NIBAN1: variants seen among roughly 807,000 people sequenced by gnomAD.
NIBAN1 encodes protein Niban 1.
In NIBAN1, 81 loss-of-function variants were observed where a neutral mutation model predicts 75.1. The ratio of observed to expected loss-of-function variants is 1.08; its 90% CI spans 0.90 to 1.30. The LOEUF (loss-of-function observed/expected upper bound fraction) is 1.30, where lower values mean the gene tolerates loss of function less well. Among genes scored for constraint, NIBAN1 ranks in the 50% most tolerant of loss-of-function variants. NIBAN1 has a pLI of 0.00. For synonymous variants in NIBAN1, 436 were observed against 424.8 expected (o/e 1.03, Z -0.32); for missense variants, 1,133 against 1,128.1 (o/e 1.00, Z -0.06).
intron 2 of NIBAN1, among the ~76,000 whole-genome samples, 179 bp downstream of exon 2, chr1:184,899,000 C>G (rs1263205949): frequency 6.6e-6 from 1 of 152,196 alleles, no homozygotes; most frequent in African/African-American, 2.4e-5. Context: ...TGGATTATAT[C>G]AGCAACAAGA....
At chr1:184,913,657 C>G (rs1366017352) in intron 1 of NIBAN1, among the ~76,000 whole-genome samples, 2 of 151,994 alleles carry the variant, frequency 1.3e-5, no homozygotes, top group Admixed American at 6.6e-5. Context: ...TAGGTGAAAA[C>G]CAAACCAACA....
chr1:184,929,837 G>A (rs902628870), intron 1 of NIBAN1, among the ~76,000 whole-genome samples: 1 of 152,220 alleles, frequency 6.6e-6, no homozygotes, highest in Non-Finnish European at 1.5e-5. Flanking sequence ...AGGAGGATTT[G>A]TCAAAACTTC....
At chr1:184,958,584 A>T (rs1394344778) in intron 1 of NIBAN1, among the ~76,000 whole-genome samples, 3 of 152,190 alleles carry the variant, frequency 2.0e-5, no homozygotes, top group Non-Finnish European at 4.4e-5. Flanking sequence ...GAATTTCTGG[A>T]AGAGCATTTG....
intron 6 of NIBAN1, among the ~76,000 whole-genome samples, chr1:184,829,244 C>T (rs1009882818): frequency 6.6e-6 from 1 of 152,086 alleles, no homozygotes; most frequent in African/African-American, 2.4e-5. Flanking sequence ...TGCACAAATG[C>T]TTTACAATCT....
intron 1 of NIBAN1, among the ~76,000 whole-genome samples, chr1:184,938,376 A>G (rs1210999856): frequency 6.6e-6 from 1 of 152,176 alleles, no homozygotes; most frequent in Non-Finnish European, 1.5e-5. Context: ...GATGGCTCCA[A>G]GATTCTCGAG....
chr1:184,971,941 C>T (rs1369214802), intron 1 of NIBAN1, among the ~76,000 whole-genome samples: 5 of 152,122 alleles, frequency 3.3e-5, no homozygotes, highest in Admixed American at 2.6e-4. Flanking sequence ...TTAACTAAAT[C>T]CTAAGAAACA....
intron 8 of NIBAN1, among the ~76,000 whole-genome samples, chr1:184,819,459 G>GA (rs1654632111): frequency 1.3e-5 from 2 of 152,098 alleles, no homozygotes; most frequent in Non-Finnish European, 2.9e-5. Flanking sequence ...GAAGAAGAAT[G>GA]AAAAAATGCC....
chr1:184,923,338 A>G (rs1439291715), intron 1 of NIBAN1, among the ~76,000 whole-genome samples: 2 of 152,156 alleles, frequency 1.3e-5, no homozygotes, highest in African/African-American at 4.8e-5. Flanking sequence ...TCTCCAAAGT[A>G]TGCTCTTGTT....
At chr1:184,955,464 G>C (rs577922489) in intron 1 of NIBAN1, among the ~76,000 whole-genome samples, 1 of 151,336 alleles carries the variant, frequency 6.6e-6, no homozygotes, top group African/African-American at 2.4e-5. Flanking sequence ...TCAGCCTCCC[G>C]AGTAGCTGGG....
At chr1:184,853,022 T>C (rs887582121) in intron 5 of NIBAN1, among the ~76,000 whole-genome samples, 1 of 152,164 alleles carries the variant, frequency 6.6e-6, no homozygotes, top group African/African-American at 2.4e-5. Flanking sequence ...CCTAATAAAA[T>C]AGTGAAAATA....
intron 10 of NIBAN1, among the ~76,000 whole-genome samples, chr1:184,807,177 A>G (rs1488117411): frequency 2.6e-5 from 4 of 152,152 alleles, no homozygotes; most frequent in Non-Finnish European, 5.9e-5. Context: ...GGCCCACAGT[A>G]ATCTCTCCTC....
chr1:184,882,715 C>A (rs987858484), intron 5 of NIBAN1, among the ~76,000 whole-genome samples: 5 of 152,128 alleles, frequency 3.3e-5, no homozygotes, highest in Non-Finnish European at 5.9e-5. Context: ...AGGGGGAATG[C>A]AGTAAGTCCC....
chr1:184,929,708 G>T (rs1374000482), intron 1 of NIBAN1, among the ~76,000 whole-genome samples: 4 of 151,782 alleles, frequency 2.6e-5, no homozygotes, highest in East Asian at 3.9e-4. Flanking sequence ...TTAAATTTTG[G>T]TTTTTTTCTT....
At chr1:184,953,340 C>T (rs1469724720) in intron 1 of NIBAN1, among the ~76,000 whole-genome samples, 2 of 152,224 alleles carry the variant, frequency 1.3e-5, no homozygotes, top group Non-Finnish European at 2.9e-5. Flanking sequence ...GAAAGCTACA[C>T]AGTTAACATT....
chr1:184,794,692 A>C lies in NIBAN1; in HGVS notation c.*285T>G. On this transcript the variant is annotated 3_prime_UTR_variant, in exon 14 of 14. Coordinates refer to ENST00000367511, the MANE Select transcript of NIBAN1 (RefSeq NM_052966.4). ...TACTGTTTTCTCAGTCTTCCCTGCA[A>C]TACTATTCCCTCCTCAGACATCCTC... The C allele has an allele frequency of 2.0e-6, 1 of 502,420 alleles. No homozygotes were observed. The highest frequency in any genetic ancestry group is 3.6e-6 in the Non-Finnish European group (1 of 277,700). The allele number at this position is 502,420 out of a possible 1,614,324, so 31.1% of individuals were successfully genotyped here. A position where few individuals can be genotyped will look rare whatever the true frequency, so the allele number is the denominator to read the frequency against.
rs181383414 is a variant in NIBAN1, at chr1:184,971,704, C to A, written c.55+2598G>T. ...GATCATTTTAGGTCAGTGCTAAAAG[C>A]ATCACTTAAGACTAACATATGACAC... On this transcript the variant is annotated intron_variant, in intron 1 of 13. Coordinates refer to ENST00000367511, the MANE Select transcript of NIBAN1 (RefSeq NM_052966.4). 1.6e-3 allele frequency among the ~76,000 whole-genome samples: 237 copies of A among 152,176 alleles called. 2 individuals are homozygous for A. Among genetic ancestry groups the A allele is most frequent in the Middle Eastern group, 6.8e-3 (2 of 294 alleles).
At chr1:184,843,730 G>A (rs1206883408) in intron 5 of NIBAN1, among the ~76,000 whole-genome samples, 1 of 152,190 alleles carries the variant, frequency 6.6e-6, no homozygotes, top group Non-Finnish European at 1.5e-5. Context: ...AATTATTTAT[G>A]GAGATGCTGC....
At chr1:184,940,928 G>C (rs189214583) in intron 1 of NIBAN1, among the ~76,000 whole-genome samples, 2 of 152,294 alleles carry the variant, frequency 1.3e-5, no homozygotes, top group East Asian at 1.9e-4. Context: ...TCTCCTAGCG[G>C]GTTAAGCGGG....
intron 1 of NIBAN1, among the ~76,000 whole-genome samples, chr1:184,938,042 A>C: frequency 6.6e-6 from 1 of 152,198 alleles, no homozygotes; most frequent in East Asian, 1.9e-4. Context: ...ATTGGAAAGA[A>C]GCTCACAAGA....
Sources: allele counts gnomAD v4.1 joint callset (sites outside exome capture counted in the v4.1 genomes callset), GRCh38; gene constraint gnomAD v4.1.1; transcripts MANE v1.5; gene names NCBI Gene and HGNC (gene_info 2026-07-23, HGNC 2026-07-21).